Variants in PRDM16 observed in about 807,000 individuals in gnomAD.
PRDM16 encodes the protein PR/SET domain 16, also known as histone-lysine N-methyltransferase PRDM16.
In PRDM16, 23 loss-of-function variants were observed where a neutral mutation model predicts 110.6. The ratio of observed to expected loss-of-function variants is 0.21; its 90% CI spans 0.15 to 0.29. The LOEUF (loss-of-function observed/expected upper bound fraction) is 0.29. Among genes scored for constraint, PRDM16 ranks in the 10% least tolerant of loss-of-function variants. The pLI, the probability that PRDM16 is intolerant of heterozygous loss-of-function variation, is 1.00. For synonymous variants in PRDM16, 799 were observed against 781.8 expected (o/e 1.02, Z -0.37); for missense variants, 1,615 against 1,794.3 (o/e 0.90, Z 1.81).
chr1:3,290,078 C>T lies in PRDM16; in HGVS notation c.438+45941C>T, dbSNP rs558774515. On this transcript the variant is annotated intron_variant, in intron 3 of 16. Coordinates refer to ENST00000270722, the MANE Select transcript of PRDM16 (RefSeq NM_022114.4). This position sits in a 1 kb window ranked among gnomAD's most constrained non-coding sequence, Gnocchi z 4.8. Reference sequence around the variant, plus strand: ...CTGGCTTTAAAAGTGTGCTCGTGAGCGCAGGGTGTTTTTCCTGAATGAAAA... The same window carrying T: ...CTGGCTTTAAAAGTGTGCTCGTGAGTGCAGGGTGTTTTTCCTGAATGAAAA... 1.3e-4 allele frequency among the ~76,000 whole-genome samples: 20 copies of T among 152,288 alleles called. No homozygotes were observed. Among genetic ancestry groups the T allele is most frequent in the Admixed American group, 3.3e-4 (5 of 15,308 alleles).
rs933592031 is a variant in PRDM16 at position 3,131,211 on chromosome 1, C to T, written c.38-54914C>T. On this transcript the variant is annotated intron_variant, in intron 1 of 16. Transcript: ENST00000270722. ...TAAACTCACAGAAAAGCAAGACTCC[C>T]TCTCTCTCTCTCAGACATTTCTCGT... is the stretch of plus-strand genomic sequence containing the variant. Among the ~76,000 whole-genome samples the T allele has an allele frequency of 9.2e-5, 14 of 151,886 alleles. 1 individual carries two copies. The East Asian group carries it at 2.5e-3, about 27-fold the overall frequency.
rs1640258337 is a variant in PRDM16 at position 3,265,158 on chromosome 1, T to G, written c.438+21021T>G. On this transcript the variant is annotated intron_variant, in intron 3 of 16. Coordinates refer to ENST00000270722, the MANE Select transcript of PRDM16 (RefSeq NM_022114.4). The surrounding 1 kb of genome is among the most constrained non-coding windows in gnomAD (Gnocchi z 4.5). ...TATTGAGGCCGAGGCGAGCGGGCTG[T>G]TAGGACTGGGACTGAGGGTGGTGGA... Among the ~76,000 whole-genome samples, 1 of 151,998 alleles carries G rather than the reference T, an allele frequency of 6.6e-6. No individual in the cohort carries two copies. The highest frequency in any genetic ancestry group is 2.4e-5 in the African/African-American group (1 of 41,388).
chr1:3,130,430 T>G (rs1292283219), intron 1 of PRDM16, among the ~76,000 whole-genome samples: 5 of 152,110 alleles, frequency 3.3e-5, no homozygotes, highest in Non-Finnish European at 7.4e-5. Flanking sequence ...AGCCGAGAGG[T>G]GGGCCCTTCC....
rs561382082 is a variant in PRDM16 at position 3,385,206 on chromosome 1, G to A, written c.493G>A (p.Ala165Thr). The A allele has an allele frequency of 2.4e-5, 38 of 1,613,740 alleles. 1 individual carries two copies. The South Asian group carries it at 3.3e-4, about 14-fold the overall frequency. Residue 165 changes from alanine (A) to threonine (T), a missense_variant, in exon 4 of 17, where the codon GCT (alanine) becomes ACT (threonine). Physicochemically the swap from Ala to Thr is moderately conservative, Grantham distance 58 (BLOSUM62 0). This residue lies in a region of PRDM16 where 416 missense variants were observed against 467.1 expected (regional missense o/e 0.89). Coordinates refer to ENST00000270722, the MANE Select transcript of PRDM16 (RefSeq NM_022114.4). ...KFCVDANQAGAGSWLKYIRVA... is the reference protein window; with the variant it reads ...KFCVDANQAGTGSWLKYIRVA... ...CTGCGTGGATGCAAATCAGGCGGGG[G>A]CTGGCAGCTGGCTCAAGTACATCCG...
rs756425455 is a variant in PRDM16 at position 3,412,196 on chromosome 1, G to A, written c.1999G>A (p.Val667Ile). 3.1e-6 allele frequency: 5 copies of A among 1,596,636 alleles called. No individual in the cohort carries two copies. The highest frequency in any genetic ancestry group is 4.5e-5 in the East Asian group (2 of 44,446). The change falls in exon 9 of 17, where the codon GTC (valine) becomes ATC (isoleucine). Residue 667 changes from valine to isoleucine, a missense_variant. Val to Ile is a conservative substitution (Grantham distance 29, BLOSUM62 3). This residue lies in a region of PRDM16 where 772 missense variants were observed against 748.3 expected (regional missense o/e 1.03). Transcript: ENST00000270722. ...CCCGAACAGCGTGGCCGAGGTGCCT[G>A]TCTTCTATTCCCAGCACTCATTCTT... is the stretch of plus-strand genomic sequence containing the variant. ...GAPNSVAEVP[V>I]FYSQHSFFPP...
In PRDM16 at chr1:3,405,561, G is replaced by A. The variant is rs752263127; in HGVS notation, c.1099G>A (p.Ala367Thr). Residue 367 changes from alanine (A) to threonine (T), a missense_variant, in exon 8 of 17, where the codon GCC (alanine) becomes ACC (threonine). By Grantham distance (58) the Ala-to-Thr change is moderately conservative. Around this residue, in one of 5 missense-constraint regions of PRDM16, gnomAD observed 82 missense variants for 144.4 expected, o/e 0.57. Coordinates refer to ENST00000270722, the MANE Select transcript of PRDM16 (RefSeq NM_022114.4). ...RSQHVGARAH[A>T]CPDCGKTFAT... ...GCAGCACGTGGGCGCTCGGGCCCAC[G>A]CCTGCCCCGACTGCGGGAAGACCTT... The A allele has an allele frequency of 4.4e-6, 7 of 1,589,428 alleles. No homozygotes were observed. Among genetic ancestry groups the A allele is most frequent in the Admixed American group, 1.8e-5 (1 of 55,698 alleles).
intron 12 of PRDM16, among the ~76,000 whole-genome samples, chr1:3,420,428 C>T (rs1393032563): frequency 6.6e-6 from 1 of 152,246 alleles, no homozygotes; most frequent in Non-Finnish European, 1.5e-5. Context: ...GTGTGCCCGC[C>T]GCATGTGCAT....
At position 3,370,736 on chromosome 1, in the gene PRDM16, C is replaced by A. The variant is rs1435531768; in HGVS notation, c.439-14416C>A. On this transcript the variant is annotated intron_variant, in intron 3 of 16. Transcript: ENST00000270722. The surrounding 1 kb of genome is among the most constrained non-coding windows in gnomAD (Gnocchi z 4.8). Reference sequence around the variant, plus strand: ...TGGTGTTCCCTTGTGTCTCACCATACGAAGTTGGGGAAGCCATAAGTGTCT... The same window carrying A: ...TGGTGTTCCCTTGTGTCTCACCATAAGAAGTTGGGGAAGCCATAAGTGTCT... Among the ~76,000 whole-genome samples, 1 of 152,168 alleles carries A rather than the reference C, an allele frequency of 6.6e-6. No homozygotes were observed. Among genetic ancestry groups the A allele is most frequent in the African/African-American group, 2.4e-5 (1 of 41,430 alleles).
intron 1 of PRDM16, among the ~76,000 whole-genome samples, chr1:3,105,978 G>A (rs1288155995): frequency 6.6e-6 from 1 of 150,448 alleles, no homozygotes; most frequent in African/African-American, 2.5e-5. Flanking sequence ...GGTGGGGGCA[G>A]GACATGTCCT....
chr1:3,240,407 C>CAA (rs113979441), intron 2 of PRDM16, among the ~76,000 whole-genome samples: 8,147 of 105,138 alleles, frequency 0.077, 288 homozygotes, highest in African/African-American at 0.098. Flanking sequence ...CAACCTGTTT[C>CAA]AAAAAAAAAA....
intron 10 of PRDM16, 47 bp from the exon 11 acceptor site, chr1:3,417,781 A>C (rs1638311162): frequency 3.2e-6 from 5 of 1,560,452 alleles, no homozygotes; most frequent in Non-Finnish European, 3.5e-6. Flanking sequence ...CCCTGAAGAC[A>C]GGTGAGAGTC....
In PRDM16 at chr1:3,180,932, CCACACACGCAGCCTTACACACGCAGT is replaced by C. The variant is rs1436527296; in HGVS notation, c.38-5191_38-5166del. On this transcript the variant is annotated intron_variant, in intron 1 of 16. Transcript: ENST00000270722. The stretch of plus-strand genomic sequence containing the variant: ...CTTACACGCAGCCTTACACACGCAG[CCACACACGCAGCCTTACACACGCAGT>C]CTTACACACTCGGTCTTACACACGC... Among the ~76,000 whole-genome samples the C allele has an allele frequency of 6.0e-4, 81 of 135,758 alleles. 1 individual carries two copies. The highest frequency in any genetic ancestry group is 2.2e-3 in the African/African-American group (77 of 34,826). 89.1% of individuals were successfully genotyped at this position (135,758 alleles called of 152,430 possible).
intron 2 of PRDM16, among the ~76,000 whole-genome samples, chr1:3,205,668 A>C (rs747435106): frequency 3.9e-5 from 6 of 152,200 alleles, no homozygotes; most frequent in Non-Finnish European, 8.8e-5. Flanking sequence ...AGGATTAAGA[A>C]GGAAGTGGAA....
chr1:3,073,120 G>A (rs1442202728), intron 1 of PRDM16, among the ~76,000 whole-genome samples: 3 of 152,186 alleles, frequency 2.0e-5, no homozygotes, highest in Non-Finnish European at 4.4e-5. Flanking sequence ...AGGCTTCCTC[G>A]GCTCCCAAGT....
chr1:3,216,838 C>A (rs1374750564), intron 2 of PRDM16, among the ~76,000 whole-genome samples: 1 of 152,364 alleles, frequency 6.6e-6, no homozygotes, highest in East Asian at 1.9e-4. Flanking sequence ...TGTAGCCAGT[C>A]ATCCGTGACT....
chr1:3,193,779 T>G (rs1434095236), intron 2 of PRDM16, among the ~76,000 whole-genome samples: 1 of 152,116 alleles, frequency 6.6e-6, no homozygotes. Flanking sequence ...TCAGGAAAGC[T>G]CCCAAGTCCT....
intron 1 of PRDM16, among the ~76,000 whole-genome samples, chr1:3,135,056 C>T (rs547955052): frequency 5.3e-5 from 8 of 152,150 alleles, no homozygotes; most frequent in African/African-American, 1.7e-4. Flanking sequence ...TGGAAGGTGC[C>T]ACCCCCGGGT....
chr1:3,180,623 G>T (rs1644139017), intron 1 of PRDM16, among the ~76,000 whole-genome samples: 2 of 149,040 alleles, frequency 1.3e-5, no homozygotes, highest in South Asian at 4.3e-4. Context: ...GACGAGGGCA[G>T]CCCGGGGCAG....
chr1:3,404,477 C>T (rs779707448), intron 6 of PRDM16, among the ~76,000 whole-genome samples: 5 of 152,236 alleles, frequency 3.3e-5, no homozygotes, highest in Admixed American at 6.5e-5. Context: ...TGCCTCCAGC[C>T]GCCCTGGGGG....
Sources: allele counts gnomAD v4.1 joint callset (sites outside exome capture counted in the v4.1 genomes callset), GRCh38; gene constraint gnomAD v4.1.1; regional missense constraint gnomAD v4.1.1; non-coding constraint Gnocchi (gnomAD v3.1); transcripts MANE v1.5; gene names NCBI Gene and HGNC (gene_info 2026-07-23, HGNC 2026-07-21).